The following XPO7 variants were observed in gnomAD, a reference collection of about 807,000 sequenced individuals.
The protein encoded by XPO7 is exportin-7.
Under a neutral mutation model 144.3 loss-of-function variants are expected in XPO7, and 21 were observed. That is an observed-to-expected ratio of 0.15 (90% CI 0.10 to 0.21). XPO7 has a LOEUF of 0.21. XPO7 is among the 10% of genes least tolerant of loss of function. The pLI, the probability that XPO7 is intolerant of heterozygous loss-of-function variation, is 1.00. For synonymous variants in XPO7, 580 were observed against 499.6 expected (o/e 1.16, Z -2.15); for missense variants, 808 against 1,325.8 (o/e 0.61, Z 6.06).
At chr8:22,001,651 T>G (rs1464756428) in intron 24 of XPO7, among the ~76,000 whole-genome samples, 5 of 152,248 alleles carry the variant, frequency 3.3e-5, no homozygotes, top group Non-Finnish European at 7.3e-5. Flanking sequence ...TCTTGGATTC[T>G]AATCACAGCT....
At chr8:21,940,563 G>A (rs1409228343) in intron 1 of XPO7, among the ~76,000 whole-genome samples, 1 of 150,740 alleles carries the variant, frequency 6.6e-6, no homozygotes, top group African/African-American at 2.4e-5. Flanking sequence ...TCCATCTCCT[G>A]TGTTCAAGCA....
At chr8:21,996,072 C>T (rs1045578829) in intron 21 of XPO7, among the ~76,000 whole-genome samples, 9 of 152,208 alleles carry the variant, frequency 5.9e-5, no homozygotes, top group Admixed American at 1.3e-4. Flanking sequence ...GCCTCGGCCT[C>T]CCAAAGTGCT....
intron 20 of XPO7, 75 bp from the exon 21 acceptor site, chr8:21,995,417 G>A: frequency 7.6e-7 from 1 of 1,319,338 alleles, no homozygotes; most frequent in South Asian, 1.3e-5. Flanking sequence ...TTTTTGCTTG[G>A]CTAGTGCTGA....
At position 21,996,814 on chromosome 8, in the gene XPO7, T is replaced by C. The variant is rs376906693; in HGVS notation, c.2345+1215T>C. 2.5e-4 allele frequency among the ~76,000 whole-genome samples: 38 copies of C among 152,008 alleles called. 3 individuals carry two copies. Among genetic ancestry groups the C allele is most frequent in the Admixed American group, 2.0e-3 (30 of 15,250 alleles). ...ATTTTTATTTTATTTATTTATTTAG[T>C]TAGTTATGTTTGATCCGGAGTTTCT... On this transcript the variant is annotated intron_variant, in intron 21 of 27. Transcript: ENST00000252512.
chr8:21,999,935 G>A (rs1563339900), intron 24 of XPO7, among the ~76,000 whole-genome samples: 1 of 152,166 alleles, frequency 6.6e-6, no homozygotes, highest in African/African-American at 2.4e-5. Flanking sequence ...GGGCTTATCT[G>A]GTGGGTAGAA....
At chr8:22,001,693 G>A (rs542540298) in intron 24 of XPO7, among the ~76,000 whole-genome samples, 16 of 152,182 alleles carry the variant, frequency 1.1e-4, no homozygotes, top group Non-Finnish European at 1.9e-4. Context: ...TCCTTAGGCC[G>A]ATACATAACC....
chr8:21,919,807 G>A lies in XPO7; in HGVS notation c.18+19G>A. On this transcript the variant is annotated intron_variant, in intron 1 of 27. Coordinates refer to ENST00000252512, the MANE Select transcript of XPO7 (RefSeq NM_015024.5). ...TGTGCAGGTGAGAGGAGCCGCGGGG[G>A]GGAGGGGGCGACCACGAAGAGCGGC... The A allele has an allele frequency of 4.1e-6, 2 of 485,638 alleles. No homozygotes were observed. The highest frequency in any genetic ancestry group is 6.3e-6 in the Non-Finnish European group (2 of 318,240). 30.1% of individuals were successfully genotyped at this position (485,638 alleles called of 1,614,324 possible).
intron 26 of XPO7, 67 bp downstream of exon 26, chr8:22,003,384 C>A: frequency 7.8e-7 from 1 of 1,279,026 alleles, no homozygotes; most frequent in Non-Finnish European, 1.1e-6. Flanking sequence ...TATCACCAAG[C>A]CCTGGGAGAA....
chr8:21,998,643 T>A (rs1346000926), intron 21 of XPO7, 112 bp from the exon 22 acceptor site: 2 of 791,084 alleles, frequency 2.5e-6, no homozygotes, highest in Admixed American at 2.6e-5. Flanking sequence ...AGGCAATTGC[T>A]TACCTTAATG....
At chr8:21,996,094 C>T (rs1295928811) in intron 21 of XPO7, among the ~76,000 whole-genome samples, 1 of 152,212 alleles carries the variant, frequency 6.6e-6, no homozygotes, top group African/African-American at 2.4e-5. Flanking sequence ...GGATTACAGG[C>T]GTGAGCCACT....
At chr8:21,928,771 A>G (rs1466173112) in intron 1 of XPO7, among the ~76,000 whole-genome samples, 2 of 152,236 alleles carry the variant, frequency 1.3e-5, no homozygotes, top group Admixed American at 1.3e-4. Flanking sequence ...AAACATCTAA[A>G]AGAATAATAC....
chr8:21,999,530 C>T lies in XPO7; in HGVS notation c.2644-6C>T. On this transcript the variant is annotated splice_region_variant and splice_polypyrimidine_tract_variant and intron_variant, in intron 23 of 27. Transcript: ENST00000252512. The stretch of plus-strand genomic sequence containing the variant: ...AGCTGATTTTCTTCCTCTTCCTCTC[C>T]CACAGGATTACCCCAAGCTCAGCCA... The T allele has an allele frequency of 6.2e-7, 1 of 1,613,920 alleles. No homozygotes were observed. Among genetic ancestry groups the T allele is most frequent in the Non-Finnish European group, 8.5e-7 (1 of 1,179,836 alleles).
In XPO7 at chr8:21,976,454, C is replaced by T. The variant is rs2306641; in HGVS notation, c.696C>T (p.Ile232=). The part of the protein sequence containing the change: ...LTHNCLNFDF[I]GTSTDESSDD... The stretch of plus-strand genomic sequence containing the variant: ...ATAACTGCCTCAACTTTGACTTCAT[C>T]GGCACTTCCACTGATGAGTCCTCAG... Residue 232 remains isoleucine (I), a synonymous_variant, in exon 7 of 28, where the codon ATC becomes ATT. Transcript: ENST00000252512. 646,529 of 1,613,512 alleles carry T rather than the reference C, an allele frequency of 0.4. 135,034 individuals carry two copies. The highest frequency in any genetic ancestry group is 0.44 in the Non-Finnish European group (513,465 of 1,179,696).
chr8:21,958,303 G>A (rs1037380406), intron 1 of XPO7, among the ~76,000 whole-genome samples: 2 of 151,816 alleles, frequency 1.3e-5, no homozygotes, highest in African/African-American at 2.4e-5. Context: ...GAAGTATAGG[G>A]TTAGATTCAG....
chr8:21,953,129 G>C (rs147333016), intron 1 of XPO7, among the ~76,000 whole-genome samples: 1 of 150,146 alleles, frequency 6.7e-6, no homozygotes, highest in Non-Finnish European at 1.5e-5. Context: ...GTCACTCTTA[G>C]TGTTGTGCTC....
At chr8:21,987,754 G>T in intron 14 of XPO7, 30 bp from the exon 15 acceptor site, 1 of 1,612,038 alleles carries the variant, frequency 6.2e-7, no homozygotes, top group Non-Finnish European at 8.5e-7. Context: ...TAATTCATGT[G>T]TTCTGGTTAC....
intron 12 of XPO7, 146 bp downstream of exon 12, chr8:21,984,985 T>C (rs886605277): frequency 2.3e-6 from 2 of 865,950 alleles, no homozygotes; most frequent in Non-Finnish European, 3.4e-6. Flanking sequence ...TCTTTATGAA[T>C]GAATAAATCC....
chr8:21,945,754 CTG>C lies in XPO7; in HGVS notation c.19-21101_19-21100del, dbSNP rs554939120. Among the ~76,000 whole-genome samples the C allele has an allele frequency of 5.3e-5, 8 of 152,322 alleles. No homozygotes were observed. The South Asian group carries it at 1.7e-3, about 32-fold the overall frequency. ...CCAATTATTCTGAAGTGCCTTATCA[CTG>C]TAATATAAGTAGATCCTCTTTAAAT... On this transcript the variant is annotated intron_variant, in intron 1 of 27. Coordinates refer to ENST00000252512, the MANE Select transcript of XPO7 (RefSeq NM_015024.5).
At chr8:22,004,893 A>G (rs1279305328) in intron 27 of XPO7, 102 bp from the exon 28 acceptor site, 4 of 643,866 alleles carry the variant, frequency 6.2e-6, no homozygotes, top group Non-Finnish European at 1.0e-5. Flanking sequence ...GAACCCATCA[A>G]TTCATACATT....
Sources: gnomAD v4.1 joint callset for allele counts (sites outside exome capture counted in the v4.1 genomes callset) on GRCh38, gnomAD v4.1.1 for gene constraint, MANE v1.5 for transcripts, NCBI Gene and HGNC (gene_info 2026-07-23, HGNC 2026-07-21) for gene names.